SNX10: variants seen among roughly 807,000 people sequenced by gnomAD.
SNX10 encodes sorting nexin 10.
In SNX10, 25 loss-of-function variants were observed where a neutral mutation model predicts 28.5. The observed-to-expected ratio is 0.88, with a 90% CI of 0.64 to 1.22. The LOEUF is 1.22. Among genes scored for constraint, SNX10 ranks in the 50% most tolerant of loss-of-function variants. The pLI is 0.00. For missense variants in SNX10, 223 were observed against 242.6 expected (o/e 0.92, Z 0.54); for synonymous variants, 62 against 81.4 (o/e 0.76, Z 1.28).
At chr7:26,338,430 G>A (rs2128007927) in intron 1 of SNX10, among the ~76,000 whole-genome samples, 1 of 151,936 alleles carries the variant, frequency 6.6e-6, no homozygotes, top group Non-Finnish European at 1.5e-5. Context: ...GACCAGCGTT[G>A]TTGCTGTTGT....
intron 1 of SNX10, among the ~76,000 whole-genome samples, chr7:26,344,113 G>C (rs1032893243): frequency 1.3e-5 from 2 of 150,828 alleles, no homozygotes; most frequent in Non-Finnish European, 2.9e-5. Flanking sequence ...TACCCACTCA[G>C]CTGCCCCCCA....
At chr7:26,359,877 C>G (rs1223402249) in intron 2 of SNX10, among the ~76,000 whole-genome samples, 1 of 152,108 alleles carries the variant, frequency 6.6e-6, no homozygotes, top group Non-Finnish European at 1.5e-5. Flanking sequence ...AGGATGGGCT[C>G]AATCTCTTGA....
Position 26,296,381 on chromosome 7 carries a change from C to T in SNX10, c.-24+4295C>T, listed in dbSNP as rs184578691. Reference sequence around the variant, plus strand: ...CAGCTTGGGCAAAAGCTGGGTGTGGCGGCACACACCTGTAGTCCTAGCTTC... The same window carrying T: ...CAGCTTGGGCAAAAGCTGGGTGTGGTGGCACACACCTGTAGTCCTAGCTTC... On this transcript the variant is annotated intron_variant, in intron 1 of 6. Coordinates refer to ENST00000338523, the MANE Select transcript of SNX10 (RefSeq NM_013322.3). Among the ~76,000 whole-genome samples the T allele has an allele frequency of 1.3e-4, 20 of 151,618 alleles. No individual in the cohort carries two copies. In the East Asian group the frequency reaches 3.1e-3, roughly 24 times the overall value.
intron 1 of SNX10, among the ~76,000 whole-genome samples, chr7:26,325,106 C>CT (rs1787448695): frequency 6.6e-6 from 1 of 151,418 alleles, no homozygotes; most frequent in African/African-American, 2.4e-5. Flanking sequence ...AAAGAACGGG[C>CT]TAGCATAGCA....
chr7:26,356,132 G>A (rs1416289588), intron 2 of SNX10, among the ~76,000 whole-genome samples: 1 of 152,140 alleles, frequency 6.6e-6, no homozygotes, highest in African/African-American at 2.4e-5. Flanking sequence ...GAAAAACAGG[G>A]AACATTGAAA....
At chr7:26,341,222 C>T (rs963475713) in intron 1 of SNX10, among the ~76,000 whole-genome samples, 5 of 152,244 alleles carry the variant, frequency 3.3e-5, no homozygotes, top group Admixed American at 3.3e-4. Flanking sequence ...TCACTTGAGC[C>T]TAGGAATCTG....
chr7:26,315,017 CAAGG>C lies in SNX10; in HGVS notation c.-24+22936_-24+22939del, dbSNP rs913945758. On this transcript the variant is annotated intron_variant, in intron 1 of 6. Coordinates refer to ENST00000338523, the MANE Select transcript of SNX10 (RefSeq NM_013322.3). ...TCTCAAAACAAAACAAAAAAACAAC[CAAGG>C]AAGGGACTAGAAAGCAGATTAAAAT... is the stretch of plus-strand genomic sequence containing the variant. Among the ~76,000 whole-genome samples the C allele has an allele frequency of 2.7e-3, 164 of 60,058 alleles. 1 individual carries two copies. Among genetic ancestry groups the C allele is most frequent in the Non-Finnish European group, 2.2e-4 (6 of 26,940 alleles). The allele number at this position is 60,058 out of a possible 152,430, so 39.4% of individuals were successfully genotyped here.
intron 1 of SNX10, among the ~76,000 whole-genome samples, chr7:26,314,207 A>G (rs1786969432): frequency 1.3e-5 from 2 of 152,124 alleles, no homozygotes; most frequent in African/African-American, 4.8e-5. Context: ...CTTGTCTGTC[A>G]ATATATTTTC....
Position 26,372,145 on chromosome 7 carries a change from TAA to T in SNX10, c.524+113_524+114del, listed in dbSNP as rs952997222. The T allele has an allele frequency of 2.3e-5, 17 of 724,374 alleles. No homozygotes were observed. The African/African-American group carries it at 2.9e-4, about 13-fold the overall frequency. 44.9% of individuals were successfully genotyped at this position (724,374 alleles called of 1,614,324 possible). On this transcript the variant is annotated intron_variant, in intron 6 of 6. Coordinates refer to ENST00000338523, the MANE Select transcript of SNX10 (RefSeq NM_013322.3). ...CTTCACTTTTTTGTTGATATAATAC[TAA>T]GATAATGAAAAAATTAATTGACTGA...
At position 26,350,938 on chromosome 7, in the gene SNX10, TC is replaced by T. The variant is rs201237228; in HGVS notation, c.24+4473del. 7.3e-3 allele frequency among the ~76,000 whole-genome samples: 1,096 copies of T among 149,704 alleles called. 12 individuals are homozygous for T. Among genetic ancestry groups the T allele is most frequent in the African/African-American group, 0.026 (1,047 of 39,992 alleles). On this transcript the variant is annotated intron_variant, in intron 2 of 6. Coordinates refer to ENST00000338523, the MANE Select transcript of SNX10 (RefSeq NM_013322.3). ...CTGAGCTTGTCCCAGAGAAAGATCTTCATTCCTTTTTTTTTTCTTAACTCTT... is the reference window on the plus strand; with the variant it reads ...CTGAGCTTGTCCCAGAGAAAGATCTTATTCCTTTTTTTTTTCTTAACTCTT...
chr7:26,356,036 T>A (rs1788804774), intron 2 of SNX10, among the ~76,000 whole-genome samples: 1 of 152,202 alleles, frequency 6.6e-6, no homozygotes, highest in Admixed American at 6.5e-5. Flanking sequence ...TTATTTTTAT[T>A]ATTAGTTTCA....
At chr7:26,344,292 C>T (rs1788296530) in intron 1 of SNX10, among the ~76,000 whole-genome samples, 1 of 151,882 alleles carries the variant, frequency 6.6e-6, no homozygotes, top group Admixed American at 6.6e-5. Flanking sequence ...CTACCTCAGC[C>T]TCCTGAGTAG....
At chr7:26,295,661 A>G (rs908863929) in intron 1 of SNX10, among the ~76,000 whole-genome samples, 3 of 152,224 alleles carry the variant, frequency 2.0e-5, no homozygotes, top group African/African-American at 7.2e-5. Context: ...TGCCAGATCA[A>G]TCAATTACGA....
chr7:26,372,806 A>G lies in SNX10; in HGVS notation c.*234A>G, dbSNP rs1789617000. On this transcript the variant is annotated 3_prime_UTR_variant, in exon 7 of 7. Coordinates refer to ENST00000338523, the MANE Select transcript of SNX10 (RefSeq NM_013322.3). ...ACAATACTATCCTTTACAGGCAGACATTATTGGTAAACAAGATCTTGCCCT... is the reference window on the plus strand; with the variant it reads ...ACAATACTATCCTTTACAGGCAGACGTTATTGGTAAACAAGATCTTGCCCT... 1 of 356,896 alleles carries G rather than the reference A, an allele frequency of 2.8e-6. No homozygotes were observed. Among genetic ancestry groups the G allele is most frequent in the Non-Finnish European group, 5.0e-6 (1 of 199,020 alleles). 22.1% of individuals were successfully genotyped at this position (356,896 alleles called of 1,614,324 possible). A position where few individuals can be genotyped will look rare whatever the true frequency, so the allele number is the denominator to read the frequency against.
intron 2 of SNX10, chr7:26,356,917 C>A (rs1584163350): frequency 8.7e-6 from 2 of 230,296 alleles, no homozygotes; most frequent in South Asian, 1.8e-4. Flanking sequence ...ATCATTAATT[C>A]ATGGAGCCCA....
At chr7:26,324,209 A>G (rs1326109470) in intron 1 of SNX10, among the ~76,000 whole-genome samples, 1 of 152,198 alleles carries the variant, frequency 6.6e-6, no homozygotes, top group African/African-American at 2.4e-5. Flanking sequence ...AGATTGAAGA[A>G]GAGAAAATGT....
chr7:26,313,213 T>TA (rs1184745631), intron 1 of SNX10, among the ~76,000 whole-genome samples: 1 of 152,154 alleles, frequency 6.6e-6, no homozygotes, highest in Non-Finnish European at 1.5e-5. Flanking sequence ...CCCCACTTTT[T>TA]AAAAAAAGAA....
intron 1 of SNX10, among the ~76,000 whole-genome samples, chr7:26,294,761 G>C (rs1282888445): frequency 6.6e-6 from 1 of 152,198 alleles, no homozygotes; most frequent in Non-Finnish European, 1.5e-5. Context: ...AGTGTCCTAA[G>C]TACGTTAACA....
rs1789607065 is a variant in SNX10, at chr7:26,372,628, A to C, written c.*56A>C. On this transcript the variant is annotated 3_prime_UTR_variant, in exon 7 of 7. Coordinates refer to ENST00000338523, the MANE Select transcript of SNX10 (RefSeq NM_013322.3). ...TAGCAAATTATGTCCAGTCATAGAG[A>C]AGAAAGCTTCATAATAATACATTCT... 2 of 1,004,600 alleles carry C rather than the reference A, an allele frequency of 2.0e-6. No homozygotes were observed. The highest frequency in any genetic ancestry group is 3.2e-6 in the Non-Finnish European group (2 of 627,060). 62.2% of individuals were successfully genotyped at this position (1,004,600 alleles called of 1,614,324 possible).
Sources: gnomAD v4.1 joint callset for allele counts (sites outside exome capture counted in the v4.1 genomes callset) on GRCh38, gnomAD v4.1.1 for gene constraint, MANE v1.5 for transcripts, NCBI Gene and HGNC (gene_info 2026-07-23, HGNC 2026-07-21) for gene names.